TARM1: variants seen among roughly 807,000 people sequenced by gnomAD.
The protein encoded by TARM1 is T-cell-interacting, activating receptor on myeloid cells protein 1.
TARM1 carries 24 observed loss-of-function variants against 30.4 expected under a neutral mutation model. That is an observed-to-expected ratio of 0.79 (90% confidence interval 0.57 to 1.11). TARM1 has a LOEUF of 1.11. Ranked by LOEUF, TARM1 falls within the 50% of genes least tolerant of loss-of-function variation. TARM1 has a pLI of 0.00. For synonymous variants in TARM1, 129 were observed against 138.9 expected (o/e 0.93, Z 0.50); for missense variants, 323 against 332.8 (o/e 0.97, Z 0.23).
intron 1 of TARM1, among the ~76,000 whole-genome samples, chr19:54,078,275 C>T (rs1179783729): frequency 7.2e-6 from 1 of 138,916 alleles, no homozygotes; most frequent in Non-Finnish European, 1.5e-5. Flanking sequence ...AGCATCAACT[C>T]CCTGGGCTCA....
intron 4 of TARM1, among the ~76,000 whole-genome samples, chr19:54,072,160 G>A (rs2071828532): frequency 6.6e-6 from 1 of 152,068 alleles, no homozygotes; most frequent in East Asian, 1.9e-4. Context: ...CTGCACTCCA[G>A]CCTGGGCAAC....
chr19:54,075,183 T>A (rs2071917891), intron 2 of TARM1, 69 bp from the exon 3 acceptor site: 2 of 997,868 alleles, frequency 2.0e-6, no homozygotes, highest in East Asian at 5.5e-5. Flanking sequence ...CTTTTTAAAA[T>A]TTATTATTAT....
intron 1 of TARM1, chr19:54,076,448 C>T (rs2071958510): frequency 1.8e-5 from 8 of 451,142 alleles, no homozygotes; most frequent in South Asian, 5.6e-5. Context: ...CTGCAACCTC[C>T]GCCTCCCGGG....
At chr19:54,076,466 G>C in intron 1 of TARM1, 1 of 426,040 alleles carries the variant, frequency 2.3e-6, no homozygotes, top group Non-Finnish European at 4.2e-6. Flanking sequence ...GGGTTCAAGT[G>C]ATTCTCCTGC....
rs1330435112 is a variant in TARM1, at chr19:54,073,910, AC to A, written c.658+9del. On this transcript the variant is annotated intron_variant, in intron 4 of 4. Coordinates refer to ENST00000432826, the MANE Select transcript of TARM1 (RefSeq NM_001135686.3). ...CACACACAGTTCCTCAAAACCATAC[AC>A]GCCCTTACCTGTCACCAATATCTCA... The A allele has an allele frequency of 6.5e-7, 1 of 1,549,578 alleles. No homozygotes were observed. Among genetic ancestry groups the A allele is most frequent in the Non-Finnish European group, 8.7e-7 (1 of 1,145,290 alleles).
chr19:54,075,059 G>T lies in TARM1; in HGVS notation c.126C>A (p.Asn42Lys). The change falls in exon 3 of 5, where the codon AAC becomes AAA. Residue 42 changes from asparagine to lysine, a missense_variant. Physicochemically the swap from Asn to Lys is moderately conservative, Grantham distance 94. Transcript: ENST00000432826. ...SAWPSSVVPA[N>K]SNVTLRCWTP... ...TCCAACATCGCAGCGTCACATTGCT[G>T]TTGGCAGGGACCACCGAGCTGGGCC... is the stretch of plus-strand genomic sequence containing the variant. 2 of 1,551,270 alleles carry T rather than the reference G, an allele frequency of 1.3e-6. No homozygotes were observed. The highest frequency in any genetic ancestry group is 1.7e-6 in the Non-Finnish European group (2 of 1,146,918).
intron 1 of TARM1, among the ~76,000 whole-genome samples, chr19:54,080,474 A>AAGAAAGAG (rs2072096350): frequency 8.1e-6 from 1 of 123,914 alleles, no homozygotes; most frequent in Non-Finnish European, 1.7e-5. Flanking sequence ...AAAAAAAAGA[A>AAGAAAGAG]AGAGAGAGAG....
In TARM1 at chr19:54,080,831, G is replaced by C. The variant is rs142064535; in HGVS notation, c.34+476C>G. ...CTACTAAAAATACAAAAATTAACCAGGCATGGTGGCGCACCCCTGTAATCC... is the reference window on the plus strand; with the variant it reads ...CTACTAAAAATACAAAAATTAACCACGCATGGTGGCGCACCCCTGTAATCC... On this transcript the variant is annotated intron_variant, in intron 1 of 4. Transcript: ENST00000432826. Among the ~76,000 whole-genome samples, 550 of 151,996 alleles carry C rather than the reference G, an allele frequency of 3.6e-3. 2 individuals carry two copies. Among genetic ancestry groups the C allele is most frequent in the African/African-American group, 0.012 (507 of 41,448 alleles).
chr19:54,074,266 C>T (rs2071888804), intron 3 of TARM1, 50 bp from the exon 4 acceptor site: 1 of 1,495,304 alleles, frequency 6.7e-7, no homozygotes, highest in Admixed American at 2.0e-5. Flanking sequence ...CTGGAATCCC[C>T]CACTCACCCC....
rs2071914852 is a variant in TARM1, at chr19:54,075,089, A to G, written c.96T>C (p.Ser32=). The G allele has an allele frequency of 6.4e-7, 1 of 1,551,196 alleles. No homozygotes were observed. Among genetic ancestry groups the G allele is most frequent in the Non-Finnish European group, 8.7e-7 (1 of 1,146,942 alleles). The change falls in exon 3 of 5, where the codon AGT becomes AGC. Residue 32 remains serine, a synonymous_variant. Transcript: ENST00000432826. ...GDGSLPKPSL[S]AWPSSVVPAN... ...CAGGGACCACCGAGCTGGGCCAGGC[A>G]CTGAGGGACGGCTTGGGCAGTGACC...
At chr19:54,073,086 G>C (rs1432390667) in intron 4 of TARM1, among the ~76,000 whole-genome samples, 2 of 151,788 alleles carry the variant, frequency 1.3e-5, no homozygotes, top group Admixed American at 6.6e-5. Context: ...AAACAGCCTA[G>C]AAATTTTCCA....
chr19:54,080,140 A>AAGGAAGAAAGC (rs2072076392), intron 1 of TARM1, among the ~76,000 whole-genome samples: 7 of 80,276 alleles, frequency 8.7e-5, no homozygotes, highest in Non-Finnish European at 1.3e-4. Flanking sequence ...AGGAAGGAAG[A>AAGGAAGAAAGC]AAGCAAGCAA....
chr19:54,079,265 G>GAA lies in TARM1; in HGVS notation c.34+2040_34+2041dup, dbSNP rs587622719. On this transcript the variant is annotated intron_variant, in intron 1 of 4. Transcript: ENST00000432826. ...GGTGACGAAGCAAGACTCCATCTCCGAAAAAAAAAAAAAAAAAAGAAATTA... is the reference window on the plus strand; with the variant it reads ...GGTGACGAAGCAAGACTCCATCTCCGAAAAAAAAAAAAAAAAAAAAGAAATTA... 1.5e-3 allele frequency among the ~76,000 whole-genome samples: 167 copies of GAA among 111,974 alleles called. 1 individual carries two copies. The highest frequency in any genetic ancestry group is 4.3e-3 in the Middle Eastern group (1 of 234). 73.5% of individuals were successfully genotyped at this position (111,974 alleles called of 152,430 possible).
Position 54,070,551 on chromosome 19 carries a change from C to T in TARM1, c.659-391G>A, listed in dbSNP as rs564030041. On this transcript the variant is annotated intron_variant, in intron 4 of 4. Coordinates refer to ENST00000432826, the MANE Select transcript of TARM1 (RefSeq NM_001135686.3). The stretch of plus-strand genomic sequence containing the variant: ...CTGGGATTACAGGTGTGAGCCACCG[C>T]GCCCGGCCACCCACTTAATGTTTTC... Among the ~76,000 whole-genome samples the T allele has an allele frequency of 1.6e-4, 25 of 151,532 alleles. No homozygotes were observed. The East Asian group carries it at 1.8e-3, about 11-fold the overall frequency.
chr19:54,070,139 C>T lies in TARM1; in HGVS notation c.680G>A (p.Ser227Asn). 6.4e-7 allele frequency: 1 copy of T among 1,551,630 alleles called. No homozygotes were observed. Reference protein sequence around the residue: ...LVTVPPGTTSSNYSLGNFVRL... With the variant: ...LVTVPPGTTSNNYSLGNFVRL... ...TACGAAGTTACCCAGGGAGTAGTTG[C>T]TCGATGTGGTACCTGGGGGAACTGA... The change falls in exon 5 of 5, where the codon AGC becomes AAC. Residue 227 changes from serine to asparagine, a missense_variant. By Grantham distance (46) the Ser-to-Asn change is conservative. Coordinates refer to ENST00000432826, the MANE Select transcript of TARM1 (RefSeq NM_001135686.3).
chr19:54,070,297 C>T, intron 4 of TARM1, 137 bp from the exon 5 acceptor site: 1 of 1,340,608 alleles, frequency 7.5e-7, no homozygotes. Flanking sequence ...GAGTTTTACT[C>T]TTGTTGACCA....
chr19:54,078,252 C>T (rs766971415), intron 1 of TARM1, among the ~76,000 whole-genome samples: 26 of 127,638 alleles, frequency 2.0e-4, no homozygotes, highest in Non-Finnish European at 3.1e-4. Context: ...ATGATGTGAT[C>T]CTAGTTCATT....
intron 1 of TARM1, among the ~76,000 whole-genome samples, chr19:54,078,159 CTTTTTCTTTTCTTTCTTTCTTT>C (rs2072005198): frequency 3.7e-5 from 5 of 135,464 alleles, no homozygotes; most frequent in Non-Finnish European, 8.0e-5. Flanking sequence ...ATGCTTTTTT[CTTTTTCTTTTCTTTCTTTCTTT>C]TTTTTTTTTT....
At chr19:54,075,735 G>A in intron 2 of TARM1, 148 bp downstream of exon 2, 1 of 859,110 alleles carries the variant, frequency 1.2e-6, no homozygotes, top group Non-Finnish European at 1.8e-6. Context: ...GGAGGTTGCT[G>A]TAAGCCGAGA....
Sources: allele counts gnomAD v4.1 joint callset (sites outside exome capture counted in the v4.1 genomes callset), GRCh38; gene constraint gnomAD v4.1.1; transcripts MANE v1.5; gene names NCBI Gene and HGNC (gene_info 2026-07-23, HGNC 2026-07-21).